The following HS3ST5 variants were observed in gnomAD, a reference collection of about 807,000 sequenced individuals.
HS3ST5 encodes heparan sulfate-glucosamine 3-sulfotransferase 5, also known as heparan sulfate glucosamine 3-O-sulfotransferase 5.
Under a neutral mutation model 25.4 loss-of-function variants are expected in HS3ST5, and 10 were observed. That is an observed-to-expected ratio of 0.39 (90% CI 0.24 to 0.67). The LOEUF (loss-of-function observed/expected upper bound fraction) is 0.67, where lower values mean the gene tolerates loss of function less well. Ranked by LOEUF, HS3ST5 falls within the 30% of genes least tolerant of loss-of-function variation. The pLI is 0.44. For synonymous variants in HS3ST5, 170 were observed against 162.4 expected, an observed-to-expected ratio of 1.05 and a Z score of -0.36; for missense variants, 324 against 420.7, an observed-to-expected ratio of 0.77 and a Z score of 2.01.
At chr6:114,124,123 A>AT (rs1562206050) in intron 3 of HS3ST5, among the ~76,000 whole-genome samples, 1 of 151,740 alleles carries the variant, frequency 6.6e-6, no homozygotes, top group Admixed American at 6.6e-5. Context: ...CCTAGCTTTG[A>AT]TTTTTCCCAT....
intron 2 of HS3ST5, among the ~76,000 whole-genome samples, chr6:114,204,841 A>G (rs554776153): frequency 3.2e-4 from 49 of 152,276 alleles, no homozygotes; most frequent in African/African-American, 1.2e-3. Flanking sequence ...TAAACATTTA[A>G]CTAAAATATA....
chr6:114,286,529 TATTG>T (rs1774347077), intron 1 of HS3ST5, among the ~76,000 whole-genome samples: 1 of 152,068 alleles, frequency 6.6e-6, no homozygotes, highest in Non-Finnish European at 1.5e-5. Flanking sequence ...TATCATATTA[TATTG>T]ATTAATTTGC....
intron 1 of HS3ST5, among the ~76,000 whole-genome samples, chr6:114,325,657 A>AAAAAC (rs756168258): frequency 4.6e-5 from 7 of 152,156 alleles, no homozygotes; most frequent in East Asian, 1.9e-4. Context: ...ACACACACAC[A>AAAAAC]AAAACAAAAC....
chr6:114,300,434 A>G (rs1031671401), intron 1 of HS3ST5, among the ~76,000 whole-genome samples: 5 of 152,342 alleles, frequency 3.3e-5, no homozygotes, highest in African/African-American at 1.2e-4. Flanking sequence ...GGGAAATGCA[A>G]TCTCAAACTA....
chr6:114,220,696 T>C (rs1237535291), intron 2 of HS3ST5: 3 of 152,020 alleles, frequency 2.0e-5, no homozygotes, highest in Non-Finnish European at 4.4e-5. Flanking sequence ...CCAGAGATCA[T>C]TCTTCTGTCC....
chr6:114,224,735 T>C (rs1206987311), intron 2 of HS3ST5, among the ~76,000 whole-genome samples: 2 of 151,086 alleles, frequency 1.3e-5, no homozygotes, highest in Non-Finnish European at 1.5e-5. Context: ...CTTCTTTCTG[T>C]TGTGTCTTTC....
chr6:114,296,452 A>T (rs1256410445), intron 1 of HS3ST5, among the ~76,000 whole-genome samples: 1 of 152,234 alleles, frequency 6.6e-6, no homozygotes, highest in East Asian at 1.9e-4. Context: ...ATCAAAATGT[A>T]TTCATCCATC....
At chr6:114,133,747 T>C (rs60751360) in intron 3 of HS3ST5, among the ~76,000 whole-genome samples, 1,842 of 152,260 alleles carry the variant, frequency 0.012, 27 homozygotes, top group African/African-American at 0.039. Flanking sequence ...ATGTGGTAAA[T>C]GCAGAGTTAG....
intron 2 of HS3ST5, among the ~76,000 whole-genome samples, chr6:114,203,616 C>A (rs767782835): frequency 6.6e-6 from 1 of 152,148 alleles, no homozygotes; most frequent in South Asian, 2.1e-4. Flanking sequence ...GGAACTAAGT[C>A]ATACCAAGGA....
intron 1 of HS3ST5, among the ~76,000 whole-genome samples, chr6:114,253,360 C>T (rs1367556150): frequency 6.6e-6 from 1 of 152,174 alleles, no homozygotes. Flanking sequence ...TTAGTAGACA[C>T]AGGTACTTTG....
intron 1 of HS3ST5, among the ~76,000 whole-genome samples, chr6:114,341,252 A>AGAGAGAGAGAGAGAGAGG (rs1562281441): frequency 3.3e-5 from 5 of 149,298 alleles, no homozygotes; most frequent in African/African-American, 1.3e-4. Flanking sequence ...AGAGAGAGAG[A>AGAGAGAGAGAGAGAGAGG]GAGAGAGAGT....
chr6:114,058,755 T>G (rs1772922487), intron 4 of HS3ST5: 1 of 153,432 alleles, frequency 6.5e-6, no homozygotes, highest in African/African-American at 2.4e-5. Flanking sequence ...TTGCTGAGAT[T>G]TTCATTCTGA....
chr6:114,270,349 A>G (rs550548261), intron 1 of HS3ST5, among the ~76,000 whole-genome samples: 1 of 152,292 alleles, frequency 6.6e-6, no homozygotes, highest in South Asian at 2.1e-4. Context: ...TTCAGTGAAA[A>G]TATAAGAAGG....
At chr6:114,073,975 A>T (rs1773978105) in intron 3 of HS3ST5, among the ~76,000 whole-genome samples, 1 of 152,194 alleles carries the variant, frequency 6.6e-6, no homozygotes, top group South Asian at 2.1e-4. Flanking sequence ...CATAAAAAGG[A>T]TGAGTTCATG....
intron 2 of HS3ST5, among the ~76,000 whole-genome samples, chr6:114,193,292 T>C (rs1410251458): frequency 1.3e-5 from 2 of 152,182 alleles, no homozygotes; most frequent in Admixed American, 1.3e-4. Flanking sequence ...AGAAGAGCTA[T>C]AATTCTGCTT....
chr6:114,225,401 A>T (rs1358463139), intron 2 of HS3ST5, among the ~76,000 whole-genome samples: 1 of 151,860 alleles, frequency 6.6e-6, no homozygotes, highest in Non-Finnish European at 1.5e-5. Flanking sequence ...CTTTTAAAGC[A>T]AGTTAGACTT....
intron 1 of HS3ST5, among the ~76,000 whole-genome samples, chr6:114,241,172 T>C (rs1582749853): frequency 8.2e-6 from 1 of 122,478 alleles, no homozygotes; most frequent in African/African-American, 3.1e-5. Context: ...TACAAAGAAA[T>C]ACCTTATCTC....
chr6:114,304,431 C>T lies in HS3ST5; in HGVS notation c.-339+37764G>A, dbSNP rs180827891. ...TAGTAAGTGCTGTGATTCTAGAACT[C>T]TCACATTTATTTTTCATATAAATTT... On this transcript the variant is annotated intron_variant, in intron 1 of 4. Coordinates refer to ENST00000312719, the MANE Select transcript of HS3ST5 (RefSeq NM_153612.4). 4.6e-5 allele frequency among the ~76,000 whole-genome samples: 7 copies of T among 152,136 alleles called. No individual in the cohort carries two copies. The East Asian group carries it at 1.4e-3, about 29-fold the overall frequency.
At chr6:114,163,465 T>A (rs1779068634) in intron 3 of HS3ST5, among the ~76,000 whole-genome samples, 1 of 152,126 alleles carries the variant, frequency 6.6e-6, no homozygotes, top group Non-Finnish European at 1.5e-5. Context: ...AAGACATATG[T>A]TTTAGCATAT....
Sources: allele counts gnomAD v4.1 joint callset (sites outside exome capture counted in the v4.1 genomes callset), GRCh38; gene constraint gnomAD v4.1.1; transcripts MANE v1.5; gene names NCBI Gene and HGNC (gene_info 2026-07-23, HGNC 2026-07-21).